The following LIN7A variants were observed in gnomAD, a reference collection of about 807,000 sequenced individuals.
LIN7A encodes lin-7 cell polarity scaffold A, also known as protein lin-7 homolog A.
Under a neutral mutation model 29.8 loss-of-function variants are expected in LIN7A, and 25 were observed. That is an observed-to-expected ratio of 0.84 (90% CI 0.61 to 1.17). The LOEUF is 1.17. Among genes scored for constraint, LIN7A ranks in the 50% most tolerant of loss-of-function variants. The probability of loss-of-function intolerance (pLI) is 0.00; values close to 1 mark genes in which losing one functional copy is unlikely to be tolerated. For missense variants in LIN7A, 239 were observed against 287.0 expected (o/e 0.83, Z 1.21); for synonymous variants, 118 against 107.5 (o/e 1.10, Z -0.60).
chr12:80,934,374 G>C (rs148328875), intron 1 of LIN7A, among the ~76,000 whole-genome samples: 76 of 152,194 alleles, frequency 5.0e-4, no homozygotes, highest in African/African-American at 1.6e-3. Flanking sequence ...CCTTTACAGG[G>C]TTGATCTCAG....
At chr12:80,805,783 G>A (rs1870946270) in intron 5 of LIN7A, among the ~76,000 whole-genome samples, 1 of 151,916 alleles carries the variant, frequency 6.6e-6, no homozygotes, top group African/African-American at 2.4e-5. Flanking sequence ...CCCAGGGGGA[G>A]GTAATTGAAT....
intron 1 of LIN7A, among the ~76,000 whole-genome samples, chr12:80,912,263 C>A (rs1876786818): frequency 6.6e-6 from 1 of 150,884 alleles, no homozygotes; most frequent in South Asian, 2.1e-4. Flanking sequence ...ACCTGAAAAT[C>A]ATTAGTTATA....
intron 5 of LIN7A, among the ~76,000 whole-genome samples, chr12:80,810,289 C>T (rs1871223385): frequency 6.6e-6 from 1 of 152,102 alleles, no homozygotes; most frequent in Admixed American, 6.6e-5. Context: ...TTTGTCTGCC[C>T]ATGCTTGGCT....
chr12:80,831,756 T>C (rs1307334498), intron 4 of LIN7A, among the ~76,000 whole-genome samples: 2 of 152,360 alleles, frequency 1.3e-5, no homozygotes, highest in East Asian at 3.9e-4. Flanking sequence ...TGAAATGGTG[T>C]GTGCCCTAGG....
rs756285282 is a variant in LIN7A, at chr12:80,889,307, TG to T, written c.144del (p.His48GlnfsTer29). On this transcript the variant is annotated frameshift_variant, in exon 2 of 6. Transcript: ENST00000552864. LOFTEE classifies it high-confidence loss of function. ...AGCACTTTTTTGAGGGATTGTAGCT[TG>T]TGCACTGGTACTTCTCCAGATTCCT... Reference protein sequence around the residue: ...KLQESGEVPVHKLQSLKKVLQ... With the variant: ...KLQESGEVPVXKLQSLKKVLQ... 1 of 1,612,902 alleles carries T rather than the reference TG, an allele frequency of 6.2e-7. No homozygotes were observed. Among genetic ancestry groups the T allele is most frequent in the Non-Finnish European group, 8.5e-7 (1 of 1,179,282 alleles).
intron 4 of LIN7A, among the ~76,000 whole-genome samples, chr12:80,835,243 T>C (rs986128160): frequency 6.6e-5 from 10 of 152,294 alleles, no homozygotes; most frequent in Non-Finnish European, 1.3e-4. Flanking sequence ...GAAAGGCTGT[T>C]TAATAATAAT....
intron 2 of LIN7A, among the ~76,000 whole-genome samples, chr12:80,853,345 G>A (rs112182992): frequency 2.0e-5 from 1 of 50,736 alleles, no homozygotes. Context: ...AAAAAAAAAA[G>A]AAACTCTTTG....
chr12:80,822,234 A>T (rs1005657053), intron 4 of LIN7A, among the ~76,000 whole-genome samples: 2 of 152,110 alleles, frequency 1.3e-5, no homozygotes, highest in African/African-American at 4.8e-5. Flanking sequence ...AAACCATCAG[A>T]TCTTGTGAGA....
At chr12:80,877,004 T>C (rs2701271) in intron 2 of LIN7A, among the ~76,000 whole-genome samples, 135,787 of 151,688 alleles carry the variant, frequency 0.9, 62,097 homozygotes, top group East Asian at 1. Flanking sequence ...TGCCTGTAAT[T>C]CCAGCTACTG....
intron 4 of LIN7A, among the ~76,000 whole-genome samples, chr12:80,835,171 T>G (rs1309624838): frequency 6.6e-6 from 1 of 152,170 alleles, no homozygotes; most frequent in Admixed American, 6.5e-5. Flanking sequence ...ATATTCTGTT[T>G]TTGTAAATTA....
chr12:80,927,395 C>T (rs916085949), intron 1 of LIN7A, among the ~76,000 whole-genome samples: 12 of 152,056 alleles, frequency 7.9e-5, no homozygotes, highest in African/African-American at 2.7e-4. Context: ...GTGATCTGCC[C>T]GCCTTGGCCT....
At chr12:80,907,055 C>CTCTCTG (rs1555228957) in intron 1 of LIN7A, among the ~76,000 whole-genome samples, 2 of 145,298 alleles carry the variant, frequency 1.4e-5, no homozygotes, top group East Asian at 2.0e-4. Flanking sequence ...AGTGCGTGCT[C>CTCTCTG]TGTGTGTGTG....
At chr12:80,935,860 G>A (rs578011039) in intron 1 of LIN7A, 2 of 450,864 alleles carry the variant, frequency 4.4e-6, no homozygotes, top group South Asian at 1.6e-5. Context: ...ATCTTAGTCC[G>A]ATTAGCACCT....
intron 1 of LIN7A, among the ~76,000 whole-genome samples, chr12:80,925,221 T>G (rs2120910054): frequency 6.6e-6 from 1 of 152,334 alleles, no homozygotes; most frequent in South Asian, 2.1e-4. Flanking sequence ...CCTCATGTGG[T>G]AAGTGTTCTA....
chr12:80,858,056 C>T (rs1257737503), intron 2 of LIN7A, among the ~76,000 whole-genome samples: 1 of 152,100 alleles, frequency 6.6e-6, no homozygotes, highest in East Asian at 1.9e-4. Context: ...AGGGAGGCAT[C>T]AGGACTATAG....
intron 1 of LIN7A, chr12:80,935,979 C>A (rs1878196293): frequency 4.5e-6 from 1 of 220,116 alleles, no homozygotes; most frequent in Admixed American, 4.3e-5. Context: ...GGTATGCAAT[C>A]TTCTTGGAGT....
At chr12:80,805,837 A>C (rs957194327) in intron 5 of LIN7A, among the ~76,000 whole-genome samples, 1 of 151,842 alleles carries the variant, frequency 6.6e-6, no homozygotes, top group African/African-American at 2.4e-5. Context: ...GATAGTGAAT[A>C]AGTCTCACGA....
At chr12:80,911,131 GT>G (rs927876070) in intron 1 of LIN7A, among the ~76,000 whole-genome samples, 1 of 152,078 alleles carries the variant, frequency 6.6e-6, no homozygotes, top group Non-Finnish European at 1.5e-5. Context: ...TTTGGGGAAA[GT>G]TTGCCTTGCT....
intron 4 of LIN7A, among the ~76,000 whole-genome samples, chr12:80,815,604 T>C (rs776097229): frequency 2.0e-5 from 3 of 152,204 alleles, no homozygotes; most frequent in Non-Finnish European, 2.9e-5. Context: ...TAAGAACCAG[T>C]GTAAGTTTGA....
Sources: gnomAD v4.1 joint callset for allele counts (sites outside exome capture counted in the v4.1 genomes callset) on GRCh38, gnomAD v4.1.1 for gene constraint, MANE v1.5 for transcripts, NCBI Gene and HGNC (gene_info 2026-07-23, HGNC 2026-07-21) for gene names.